Variants in BABAM2 observed in about 807,000 individuals in gnomAD.
BABAM2 encodes BRISC and BRCA1-A complex member 2.
In BABAM2, 31 loss-of-function variants were observed where a neutral mutation model predicts 54.7. The ratio of observed to expected loss-of-function variants is 0.57; its 90% CI spans 0.43 to 0.77. BABAM2 has a LOEUF of 0.77. Ranked by LOEUF, BABAM2 falls within the 30% of genes least tolerant of loss-of-function variation. The pLI is 0.00. For synonymous variants in BABAM2, 167 were observed against 162.9 expected, an observed-to-expected ratio of 1.03 and a Z score of -0.19; for missense variants, 364 against 455.8, an observed-to-expected ratio of 0.80 and a Z score of 1.83.
chr2:27,953,107 G>A (rs1377611842), intron 3 of BABAM2, among the ~76,000 whole-genome samples: 3 of 152,042 alleles, frequency 2.0e-5, no homozygotes, highest in African/African-American at 7.2e-5. Context: ...CTGCAGACTC[G>A]AACTCCTGAG....
chr2:27,902,617 T>A (rs1283039166), intron 2 of BABAM2, among the ~76,000 whole-genome samples: 1 of 152,220 alleles, frequency 6.6e-6, no homozygotes, highest in Non-Finnish European at 1.5e-5. Flanking sequence ...GTGAAAAGTC[T>A]TTTAATATGC....
intron 6 of BABAM2, among the ~76,000 whole-genome samples, chr2:28,123,310 G>A (rs1053788037): frequency 2.6e-5 from 4 of 152,122 alleles, no homozygotes; most frequent in African/African-American, 7.2e-5. Context: ...GAATATCATG[G>A]CCGTTATTGC....
At chr2:28,250,584 C>CTTTTTTTTTTTTTT (rs34597279) in intron 10 of BABAM2, among the ~76,000 whole-genome samples, 126 of 136,858 alleles carry the variant, frequency 9.2e-4, no homozygotes, top group Non-Finnish European at 1.2e-3. Context: ...ATATTTTTTT[C>CTTTTTTTTTTTTTT]TTTTTTTTTT....
chr2:28,160,973 C>T (rs986076370), intron 7 of BABAM2, among the ~76,000 whole-genome samples: 2 of 151,932 alleles, frequency 1.3e-5, no homozygotes, highest in Non-Finnish European at 2.9e-5. Context: ...TGGAGACTAC[C>T]GCAGAGTTAA....
At chr2:27,917,546 T>G (rs1048318383) in intron 2 of BABAM2, among the ~76,000 whole-genome samples, 1 of 152,080 alleles carries the variant, frequency 6.6e-6, no homozygotes, top group Admixed American at 6.6e-5. Context: ...GCAGACGAGC[T>G]CCCTCAGGCC....
At chr2:27,946,108 G>T (rs953836891) in intron 3 of BABAM2, among the ~76,000 whole-genome samples, 3 of 151,972 alleles carry the variant, frequency 2.0e-5, no homozygotes, top group African/African-American at 2.4e-5. Context: ...TGCCTTATTC[G>T]CAGTCTTAAG....
intron 11 of BABAM2, among the ~76,000 whole-genome samples, chr2:28,337,273 T>C (rs1226109025): frequency 2.0e-5 from 3 of 152,010 alleles, no homozygotes; most frequent in Admixed American, 6.5e-5. Context: ...CCCTCACCTC[T>C]CAGCTGACAG....
chr2:28,178,793 C>CA (rs1252335056), intron 7 of BABAM2, among the ~76,000 whole-genome samples: 3 of 149,168 alleles, frequency 2.0e-5, no homozygotes, highest in Non-Finnish European at 4.5e-5. Flanking sequence ...AAATCAGAAA[C>CA]AAAAAAAGAG....
chr2:28,096,285 G>T (rs888565400), intron 6 of BABAM2, among the ~76,000 whole-genome samples: 1 of 151,880 alleles, frequency 6.6e-6, no homozygotes, highest in South Asian at 2.1e-4. Flanking sequence ...AATTGTGCAC[G>T]AGTTGTGCAA....
rs1186429816 is a variant in BABAM2 at position 28,009,802 on chromosome 2, A to ACC, written c.301-15422_301-15421dup. Among the ~76,000 whole-genome samples, 6 of 152,108 alleles carry ACC rather than the reference A, an allele frequency of 3.9e-5. No individual in the cohort carries two copies. The South Asian group carries it at 8.3e-4, about 21-fold the overall frequency. ...CAGTCACCATGGCTGCCTTCTGGGG[A>ACC]CCCATTTTAAGCCTCCTGGAGAGAG... On this transcript the variant is annotated intron_variant, in intron 4 of 11. Transcript: ENST00000379624.
chr2:28,322,937 A>G lies in BABAM2; in HGVS notation c.1089-15513A>G, dbSNP rs1690145112. ...GTCTGGCCTGCTGGATAATATCCCC[A>G]CATACCTCTGAGCAGAAAAGAAAGC... is the stretch of plus-strand genomic sequence containing the variant. On this transcript the variant is annotated intron_variant, in intron 11 of 11. Transcript: ENST00000379624. This position sits in a 1 kb window ranked among gnomAD's most constrained non-coding sequence, Gnocchi z 4.1. Among the ~76,000 whole-genome samples, 1 of 152,238 alleles carries G rather than the reference A, an allele frequency of 6.6e-6. No homozygotes were observed. The highest frequency in any genetic ancestry group is 2.4e-5 in the African/African-American group (1 of 41,456).
chr2:28,001,022 GTCTTAGAAACCAAGA>G (rs1403807789), intron 4 of BABAM2, among the ~76,000 whole-genome samples: 1 of 152,152 alleles, frequency 6.6e-6, no homozygotes, highest in East Asian at 1.9e-4. Flanking sequence ...TTGGAGAAAG[GTCTTAGAAACCAAGA>G]TCTTAGTGCC....
At chr2:28,253,737 G>A (rs1440011727) in intron 10 of BABAM2, among the ~76,000 whole-genome samples, 1 of 152,204 alleles carries the variant, frequency 6.6e-6, no homozygotes, top group African/African-American at 2.4e-5. Context: ...GAGGGTCAGT[G>A]TCTGCAGCCA....
chr2:27,902,905 TTGTGTGTG>T (rs57389847), intron 2 of BABAM2, among the ~76,000 whole-genome samples: 2 of 147,780 alleles, frequency 1.4e-5, no homozygotes, highest in Non-Finnish European at 3.0e-5. Context: ...GTGTGTGTGT[TTGTGTGTG>T]TGTGTGTGTG....
intron 4 of BABAM2, among the ~76,000 whole-genome samples, chr2:28,014,774 A>T (rs1453868538): frequency 6.6e-6 from 1 of 151,982 alleles, no homozygotes; most frequent in Non-Finnish European, 1.5e-5. Flanking sequence ...GTGAGGAGTT[A>T]ACAAAAACTA....
chr2:28,285,350 G>GA (rs1179816048), intron 10 of BABAM2, among the ~76,000 whole-genome samples: 1 of 152,032 alleles, frequency 6.6e-6, no homozygotes, highest in African/African-American at 2.4e-5. Context: ...CCATCTTGCA[G>GA]ACTGAGTGGC....
At chr2:27,916,382 A>AT (rs1666969207) in intron 2 of BABAM2, among the ~76,000 whole-genome samples, 1 of 152,230 alleles carries the variant, frequency 6.6e-6, no homozygotes, top group African/African-American at 2.4e-5. Flanking sequence ...TGAAAATGGT[A>AT]TTTAAGTTGG....
chr2:27,893,091 A>G (rs984480630), intron 1 of BABAM2, among the ~76,000 whole-genome samples: 4 of 152,174 alleles, frequency 2.6e-5, no homozygotes, highest in Non-Finnish European at 5.9e-5. Context: ...ATGTATGAAA[A>G]CTAGAACCAG....
chr2:27,958,092 G>T (rs1670218685), intron 3 of BABAM2, among the ~76,000 whole-genome samples: 1 of 152,176 alleles, frequency 6.6e-6, no homozygotes, highest in Admixed American at 6.5e-5. Flanking sequence ...ACACCATTGA[G>T]TGATCTCAGT....
Sources: gnomAD v4.1 joint callset for allele counts (sites outside exome capture counted in the v4.1 genomes callset) on GRCh38, gnomAD v4.1.1 for gene constraint, Gnocchi (gnomAD v3.1) non-coding constraint, MANE v1.5 for transcripts, NCBI Gene and HGNC (gene_info 2026-07-23, HGNC 2026-07-21) for gene names.